Variants in PDE4D observed in about 807,000 individuals in gnomAD.
The protein encoded by PDE4D is phosphodiesterase 4D.
Under a neutral mutation model 87.4 loss-of-function variants are expected in PDE4D, and 24 were observed. The ratio of observed to expected loss-of-function variants is 0.27; its 90% confidence interval spans 0.20 to 0.39. PDE4D has a LOEUF of 0.39. PDE4D is among the 10% of genes least tolerant of loss of function. The pLI, the probability that PDE4D is intolerant of heterozygous loss-of-function variation, is 1.00. For synonymous variants in PDE4D, 384 were observed against 383.2 expected, an observed-to-expected ratio of 1.00 and a Z score of -0.02; for missense variants, 714 against 1,041.0, an observed-to-expected ratio of 0.69 and a Z score of 4.32.
chr5:59,190,695 G>A (rs1334488124), intron 3 of PDE4D, among the ~76,000 whole-genome samples: 1 of 152,116 alleles, frequency 6.6e-6, no homozygotes, highest in Non-Finnish European at 1.5e-5. Context: ...AGAAGTTAGT[G>A]ATTGGGTCAG....
intron 2 of PDE4D, among the ~76,000 whole-genome samples, chr5:60,115,533 T>C (rs1317764964): frequency 6.6e-6 from 1 of 152,164 alleles, no homozygotes; most frequent in Non-Finnish European, 1.5e-5. Context: ...GAACTATATG[T>C]TCACTATCTT....
intron 1 of PDE4D, among the ~76,000 whole-genome samples, chr5:59,531,228 T>G (rs1814165999): frequency 6.6e-6 from 1 of 152,172 alleles, no homozygotes; most frequent in Non-Finnish European, 1.5e-5. Context: ...ATTGTCCTAG[T>G]CTCAGCTTTT....
intron 2 of PDE4D, among the ~76,000 whole-genome samples, chr5:60,009,154 A>G (rs1433934642): frequency 2.0e-5 from 3 of 152,062 alleles, no homozygotes; most frequent in Non-Finnish European, 4.4e-5. Context: ...CATCTTAAGC[A>G]TAAGTTCATC....
At chr5:59,312,116 G>C (rs1772797507) in intron 1 of PDE4D, among the ~76,000 whole-genome samples, 1 of 152,154 alleles carries the variant, frequency 6.6e-6, no homozygotes, top group African/African-American at 2.4e-5. Context: ...GCTTGTAGGA[G>C]GTAAGTGAGC....
intron 2 of PDE4D, among the ~76,000 whole-genome samples, chr5:60,053,916 C>A (rs906045448): frequency 6.6e-6 from 1 of 152,110 alleles, no homozygotes; most frequent in Non-Finnish European, 1.5e-5. Context: ...TTTTATGCGG[C>A]CAACAAACAT....
intron 2 of PDE4D, among the ~76,000 whole-genome samples, chr5:59,208,444 T>C (rs1319435138): frequency 6.6e-6 from 1 of 152,230 alleles, no homozygotes; most frequent in Non-Finnish European, 1.5e-5. Flanking sequence ...AGCCAAGATA[T>C]ATTACTACAT....
intron 1 of PDE4D, among the ~76,000 whole-genome samples, chr5:59,419,007 A>G (rs546341565): frequency 1.9e-4 from 29 of 152,152 alleles, no homozygotes; most frequent in Non-Finnish European, 3.2e-4. Flanking sequence ...GCTGGGTCTC[A>G]GTTTTCTTAT....
chr5:60,111,628 T>C (rs559646447), intron 2 of PDE4D, among the ~76,000 whole-genome samples: 3 of 152,098 alleles, frequency 2.0e-5, no homozygotes, highest in Non-Finnish European at 2.9e-5. Context: ...AGAATTAAAA[T>C]ATAAATTTTA....
intron 1 of PDE4D, among the ~76,000 whole-genome samples, chr5:59,639,054 C>G (rs1338199241): frequency 2.6e-5 from 4 of 151,970 alleles, no homozygotes; most frequent in African/African-American, 9.7e-5. Flanking sequence ...ATTCCATTAC[C>G]TAGAAATATT....
chr5:59,167,685 C>T (rs1001897468), intron 5 of PDE4D, among the ~76,000 whole-genome samples: 1 of 152,134 alleles, frequency 6.6e-6, no homozygotes, highest in African/African-American at 2.4e-5. Flanking sequence ...CTTTATTTTA[C>T]TTATTCATTT....
rs1232022936 is a variant in PDE4D, at chr5:59,146,223, T to C, written c.808+34372A>G. Among the ~76,000 whole-genome samples, 3 of 152,324 alleles carry C rather than the reference T, an allele frequency of 2.0e-5. No individual in the cohort carries two copies. The East Asian group carries it at 5.8e-4, about 29-fold the overall frequency. ...AATATACACATAACTGTAGGAAGCTTTCCTTTTCCTTTCTGATAGACACCT... is the reference window on the plus strand; with the variant it reads ...AATATACACATAACTGTAGGAAGCTCTCCTTTTCCTTTCTGATAGACACCT... On this transcript the variant is annotated intron_variant, in intron 5 of 14. Transcript: ENST00000340635.
chr5:60,312,386 T>C (rs911546519), intron 1 of PDE4D, among the ~76,000 whole-genome samples: 1 of 152,154 alleles, frequency 6.6e-6, no homozygotes, highest in African/African-American at 2.4e-5. Context: ...AAATCAGTAG[T>C]ATTAGTTTAT....
At chr5:59,030,436 A>AC (rs972172277) in intron 6 of PDE4D, among the ~76,000 whole-genome samples, 6 of 150,746 alleles carry the variant, frequency 4.0e-5, no homozygotes, top group Non-Finnish European at 8.9e-5. Context: ...AAAAAAAAAA[A>AC]AAAAAAAAAA....
chr5:59,439,443 T>A (rs1191684929), intron 1 of PDE4D, among the ~76,000 whole-genome samples: 2 of 151,964 alleles, frequency 1.3e-5, no homozygotes, highest in African/African-American at 4.8e-5. Context: ...CATAAATGGC[T>A]TCGGTAACCC....
chr5:60,456,316 T>A (rs578090406), intron 1 of PDE4D, among the ~76,000 whole-genome samples: 1 of 152,314 alleles, frequency 6.6e-6, no homozygotes, highest in East Asian at 1.9e-4. Context: ...AGTAGGGCCC[T>A]CTAAAGCAAG....
intron 1 of PDE4D, among the ~76,000 whole-genome samples, chr5:59,556,622 C>T (rs1478706492): frequency 6.6e-6 from 1 of 152,166 alleles, no homozygotes; most frequent in Non-Finnish European, 1.5e-5. Context: ...GTGTTCTTCT[C>T]GTCTAGCATT....
intron 1 of PDE4D, among the ~76,000 whole-genome samples, chr5:59,347,399 G>T (rs1251440736): frequency 1.3e-5 from 2 of 152,140 alleles, no homozygotes; most frequent in Admixed American, 6.6e-5. Flanking sequence ...AAATCTGTGT[G>T]TCAGAAAAGT....
chr5:59,987,886 G>A (rs772061908), intron 3 of PDE4D: 1 of 152,226 alleles, frequency 6.6e-6, no homozygotes, highest in Non-Finnish European at 1.5e-5. Flanking sequence ...ACCCTGCAAA[G>A]TAGGAAATAA....
chr5:59,843,994 A>G (rs1743447369), intron 1 of PDE4D, among the ~76,000 whole-genome samples: 1 of 152,114 alleles, frequency 6.6e-6, no homozygotes, highest in South Asian at 2.1e-4. Context: ...GATGAAACAT[A>G]TCAGAGTAGG....
Sources: allele counts gnomAD v4.1 joint callset (sites outside exome capture counted in the v4.1 genomes callset), GRCh38; gene constraint gnomAD v4.1.1; transcripts MANE v1.5; gene names NCBI Gene and HGNC (gene_info 2026-07-23, HGNC 2026-07-21).